HGF: variants seen among roughly 807,000 people sequenced by gnomAD.
HGF encodes the protein hepatocyte growth factor, also known as fibroblast-derived tumor cytotoxic factor.
Under a neutral mutation model 111.6 loss-of-function variants are expected in HGF, and 39 were observed. The observed-to-expected ratio is 0.35, with a 90% confidence interval of 0.27 to 0.46. The LOEUF (loss-of-function observed/expected upper bound fraction) is 0.46, where lower values mean the gene tolerates loss of function less well. Among genes scored for constraint, HGF ranks in the 20% least tolerant of loss-of-function variants. The pLI is 1.00. For missense variants in HGF, 735 were observed against 910.5 expected, an observed-to-expected ratio of 0.81 and a Z score of 2.48; for synonymous variants, 285 against 294.8, an observed-to-expected ratio of 0.97 and a Z score of 0.34.
At chr7:81,709,059 G>A (rs1789504066) in intron 13 of HGF, among the ~76,000 whole-genome samples, 1 of 152,078 alleles carries the variant, frequency 6.6e-6, no homozygotes, top group African/African-American at 2.4e-5. Flanking sequence ...ATTCATAAAA[G>A]GACTTCTGTT....
intron 17 of HGF, among the ~76,000 whole-genome samples, chr7:81,703,262 T>A (rs1158465664): frequency 1.3e-5 from 2 of 150,342 alleles, no homozygotes; most frequent in African/African-American, 4.9e-5. Context: ...CCTCTCCCAA[T>A]CCTGCCCTAC....
intron 17 of HGF, among the ~76,000 whole-genome samples, chr7:81,703,818 T>A (rs934757323): frequency 6.6e-6 from 1 of 151,646 alleles, no homozygotes; most frequent in African/African-American, 2.4e-5. Context: ...GCCATTGGCA[T>A]TCTGTGATGG....
chr7:81,729,576 A>G (rs1255901952), intron 8 of HGF, 29 bp downstream of exon 8: 1 of 1,564,848 alleles, frequency 6.4e-7, no homozygotes, highest in African/African-American at 1.4e-5. Flanking sequence ...GGCCTACTGA[A>G]ATGTATAACA....
chr7:81,745,084 C>T lies in HGF; in HGVS notation c.662G>A (p.Gly221Asp), dbSNP rs2116045808. 1 of 1,613,816 alleles carries T rather than the reference C, an allele frequency of 6.2e-7. No individual in the cohort carries two copies. Among genetic ancestry groups the T allele is most frequent in the Non-Finnish European group, 8.5e-7 (1 of 1,179,790 alleles). ...GCCTGATTCTGTATGATCCATGAGA[C>T]CTCGATAACTCTCCCCATTGCAGGT... ...CMTCNGESYRGLMDHTESGKI... is the reference protein window; with the variant it reads ...CMTCNGESYRDLMDHTESGKI... Residue 221 changes from glycine to aspartate, a missense_variant, in exon 6 of 18, where the codon GGT becomes GAT. Transcript: ENST00000222390.
At chr7:81,720,041 A>G (rs1416553912) in intron 10 of HGF, among the ~76,000 whole-genome samples, 2 of 152,174 alleles carry the variant, frequency 1.3e-5, no homozygotes, top group East Asian at 3.8e-4. Flanking sequence ...TTTAGGTCAC[A>G]ATTATGTGTC....
At chr7:81,737,040 T>C (rs1787854706) in intron 7 of HGF, among the ~76,000 whole-genome samples, 2 of 151,802 alleles carry the variant, frequency 1.3e-5, no homozygotes, top group South Asian at 4.1e-4. Context: ...AAAATGATAC[T>C]CTCTTGGACA....
intron 10 of HGF, among the ~76,000 whole-genome samples, chr7:81,718,604 G>C (rs1789775678): frequency 6.6e-6 from 1 of 152,160 alleles, no homozygotes; most frequent in African/African-American, 2.4e-5. Context: ...GATGAATTAA[G>C]TATTATTAGA....
chr7:81,724,771 T>G (rs1272441228), intron 9 of HGF, among the ~76,000 whole-genome samples: 1 of 152,190 alleles, frequency 6.6e-6, no homozygotes, highest in Non-Finnish European at 1.5e-5. Context: ...GTGTTTTAAG[T>G]TTTTTGAGAA....
In HGF at chr7:81,769,980, T is replaced by C; in HGVS notation, c.-9A>G. On this transcript the variant is annotated 5_prime_UTR_variant, in exon 1 of 18. Coordinates refer to ENST00000222390, the MANE Select transcript of HGF (RefSeq NM_000601.6). The stretch of plus-strand genomic sequence containing the variant: ...AGTTTGGTCACCCACATGGTGCTGC[T>C]GGACGGGCTGGCGGATCCCTCTGGA... 2 of 1,550,890 alleles carry C rather than the reference T, an allele frequency of 1.3e-6. No homozygotes were observed. Among genetic ancestry groups the C allele is most frequent in the Non-Finnish European group, 1.7e-6 (2 of 1,146,768 alleles).
intron 5 of HGF, chr7:81,750,898 C>T (rs985595776): frequency 1.3e-4 from 110 of 838,860 alleles, no homozygotes; most frequent in East Asian, 2.5e-4. Flanking sequence ...TTGTTCAAAA[C>T]GTGATCATAG....
At chr7:81,743,020 C>T (rs2116016994) in intron 7 of HGF, 1 of 1,347,442 alleles carries the variant, frequency 7.4e-7, no homozygotes, top group Non-Finnish European at 1.1e-6. Flanking sequence ...TTTTACTCCC[C>T]TAATGACTTT....
intron 8 of HGF, among the ~76,000 whole-genome samples, chr7:81,729,342 G>C (rs1787556125): frequency 6.6e-6 from 1 of 152,102 alleles, no homozygotes; most frequent in Non-Finnish European, 1.5e-5. Context: ...AATCCACCTA[G>C]GGATGTGTTT....
At chr7:81,761,506 T>A (rs1789074154) in intron 2 of HGF, among the ~76,000 whole-genome samples, 1 of 150,012 alleles carries the variant, frequency 6.7e-6, no homozygotes, top group African/African-American at 2.5e-5. Context: ...ACTACCTAAA[T>A]GTAATTGAGT....
intron 5 of HGF, among the ~76,000 whole-genome samples, chr7:81,747,448 C>A (rs1788315930): frequency 6.6e-6 from 1 of 151,850 alleles, no homozygotes; most frequent in African/African-American, 2.4e-5. Flanking sequence ...TATAAAGGGA[C>A]AAAATAACAT....
intron 5 of HGF, among the ~76,000 whole-genome samples, chr7:81,747,745 C>T (rs1788330373): frequency 6.6e-6 from 1 of 152,004 alleles, no homozygotes; most frequent in African/African-American, 2.4e-5. Flanking sequence ...CTTTGGGAGG[C>T]CAAGGCAGGC....
intron 17 of HGF, among the ~76,000 whole-genome samples, chr7:81,703,615 A>G (rs549285450): frequency 9.3e-5 from 14 of 151,034 alleles, no homozygotes; most frequent in Non-Finnish European, 1.6e-4. Context: ...AACAATGCAC[A>G]TAGTGTTATA....
At chr7:81,747,678 A>G (rs1017950854) in intron 5 of HGF, among the ~76,000 whole-genome samples, 1 of 152,190 alleles carries the variant, frequency 6.6e-6, no homozygotes, top group Non-Finnish European at 1.5e-5. Context: ...TTTATACCAT[A>G]CTTTTAACAT....
In HGF at chr7:81,760,658, CAT is replaced by C. The variant is rs149476401; in HGVS notation, c.255-1856_255-1855del. 3.0e-3 allele frequency among the ~76,000 whole-genome samples: 448 copies of C among 147,168 alleles called. 1 individual carries two copies. Among genetic ancestry groups the C allele is most frequent in the African/African-American group, 0.011 (431 of 39,660 alleles). On this transcript the variant is annotated intron_variant, in intron 2 of 17. Coordinates refer to ENST00000222390, the MANE Select transcript of HGF (RefSeq NM_000601.6). ...CTAAGATATTTAATAATCCCAAATACATATGTGTGTCTATGTGCGTGCGTGTG... is the reference window on the plus strand; with the variant it reads ...CTAAGATATTTAATAATCCCAAATACATGTGTGTCTATGTGCGTGCGTGTG...
chr7:81,726,332 C>G (rs893170642), intron 8 of HGF, among the ~76,000 whole-genome samples: 5 of 152,176 alleles, frequency 3.3e-5, no homozygotes, highest in Admixed American at 2.0e-4. Flanking sequence ...GATTGAGACT[C>G]TCAATTGGTA....
Sources: allele counts gnomAD v4.1 joint callset (sites outside exome capture counted in the v4.1 genomes callset), GRCh38; gene constraint gnomAD v4.1.1; transcripts MANE v1.5; gene names NCBI Gene and HGNC (gene_info 2026-07-23, HGNC 2026-07-21).